The following IGSF10 variants were observed in gnomAD, a reference collection of about 807,000 sequenced individuals.
IGSF10 encodes immunoglobulin superfamily member 10, also known as calvaria mechanical force protein 608.
IGSF10 carries 126 observed loss-of-function variants against 128.2 expected under a neutral mutation model. The ratio of observed to expected loss-of-function variants is 0.98; its 90% CI spans 0.85 to 1.14. IGSF10 has a LOEUF of 1.14. IGSF10 is among the 50% of genes most tolerant of loss of function. The pLI is 0.00. For synonymous variants in IGSF10, 1,185 were observed against 1,146.2 expected, an observed-to-expected ratio of 1.03 and a Z score of -0.68; for missense variants, 3,295 against 3,149.8, an observed-to-expected ratio of 1.05 and a Z score of -1.10.
At chr3:151,601,657 C>T in the IGSF10 span, among the ~76,000 whole-genome samples, 1 of 152,146 alleles carries the variant, frequency 6.6e-6, no homozygotes, top group East Asian at 1.9e-4. Context: ...TAAAGTTCCT[C>T]AGAGGTGTGA....
Position 151,445,961 on chromosome 3 carries a change from T to C in IGSF10, c.4020A>G (p.Arg1340=). The change falls in exon 6 of 8, where the codon AGA becomes AGG. Residue 1340 remains arginine (R), a synonymous_variant. Transcript: ENST00000282466. ...CCTGTTCTCTTTGTATTGTTTGTGC[T>C]CTAGATCTCTCTGTTTGGGTTTCAT... ...ITYETQTERS[R]AQTIQREQEP... is the part of the protein sequence containing the mutation. 6.2e-7 allele frequency: 1 copy of C among 1,614,204 alleles called. No individual in the cohort carries two copies. Among genetic ancestry groups the C allele is most frequent in the Non-Finnish European group, 8.5e-7 (1 of 1,180,034 alleles).
intron 7 of IGSF10, among the ~76,000 whole-genome samples, chr3:151,441,862 C>T (rs1383111188): frequency 6.6e-6 from 1 of 152,116 alleles, no homozygotes; most frequent in African/African-American, 2.4e-5. Context: ...GAGATCAAGA[C>T]CATCCTGGCT....
chr3:151,443,237 T>C lies in IGSF10; in HGVS notation c.5710A>G (p.Ile1904Val). Reference sequence around the variant, plus strand: ...CTGTCTGAAGAGGCTAGGTTTCTTATATACAAAGTCCCATTTGAAAATAAG... The same window carrying C: ...CTGTCTGAAGAGGCTAGGTTTCTTACATACAAAGTCCCATTTGAAAATAAG... ...LFLFSNGTLYIRNLASSDRGT... is the reference protein window; with the variant it reads ...LFLFSNGTLYVRNLASSDRGT... Residue 1904 changes from isoleucine (I) to valine (V), a missense_variant, in exon 7 of 8, where the codon ATA (isoleucine) becomes GTA (valine). Transcript: ENST00000282466. 2 of 1,612,582 alleles carry C rather than the reference T, an allele frequency of 1.2e-6. No homozygotes were observed. Among genetic ancestry groups the C allele is most frequent in the Non-Finnish European group, 1.7e-6 (2 of 1,179,220 alleles).
the IGSF10 span, among the ~76,000 whole-genome samples, chr3:151,547,980 A>C: frequency 3.9e-5 from 6 of 152,210 alleles, no homozygotes; most frequent in Non-Finnish European, 8.8e-5. Flanking sequence ...AAATGGTTGC[A>C]AAATATCTTT....
chr3:151,608,254 T>A, the IGSF10 span, among the ~76,000 whole-genome samples: 25 of 152,314 alleles, frequency 1.6e-4, no homozygotes, highest in African/African-American at 5.3e-4. Flanking sequence ...AGAGAAAGCC[T>A]CTGTGTCTAA....
the IGSF10 span, among the ~76,000 whole-genome samples, chr3:151,553,067 T>G: frequency 6.6e-6 from 1 of 152,132 alleles, no homozygotes; most frequent in Non-Finnish European, 1.5e-5. Flanking sequence ...ACTGAAAATA[T>G]AATAAATGTA....
the IGSF10 span, among the ~76,000 whole-genome samples, chr3:151,580,530 C>T: frequency 6.6e-6 from 1 of 152,116 alleles, no homozygotes; most frequent in African/African-American, 2.4e-5. Context: ...TTTGTTGAAG[C>T]ATTTTAATAT....
At chr3:151,475,548 T>C in the IGSF10 span, among the ~76,000 whole-genome samples, 10 of 152,330 alleles carry the variant, frequency 6.6e-5, no homozygotes, top group South Asian at 2.1e-3. Context: ...CAACCACTCA[T>C]ACACTGCTGA....
the IGSF10 span, among the ~76,000 whole-genome samples, chr3:151,478,209 C>T: frequency 6.6e-6 from 1 of 152,182 alleles, no homozygotes; most frequent in South Asian, 2.1e-4. Flanking sequence ...GGAACACAGT[C>T]AGAAGGTGAG....
At chr3:151,461,215 T>C (rs1205867804), upstream of IGSF10, 1 of 985,252 alleles carries the variant, frequency 1.0e-6, no homozygotes, top group Non-Finnish European at 1.2e-6. Context: ...CTCTTTAAAT[T>C]CCCAGGGCTT....
At chr3:151,505,763 C>T in the IGSF10 span, among the ~76,000 whole-genome samples, 10 of 152,094 alleles carry the variant, frequency 6.6e-5, no homozygotes, top group East Asian at 1.9e-4. Context: ...ATAAATTTTC[C>T]GCATATACAT....
chr3:151,463,079 T>C (rs753918676), upstream of IGSF10, among the ~76,000 whole-genome samples: 10 of 152,334 alleles, frequency 6.6e-5, no homozygotes, highest in Non-Finnish European at 8.8e-5. Flanking sequence ...CCTAGGCTTG[T>C]TACCTGGGGT....
At chr3:151,482,191 C>T in the IGSF10 span, among the ~76,000 whole-genome samples, 1 of 152,062 alleles carries the variant, frequency 6.6e-6, no homozygotes, top group Non-Finnish European at 1.5e-5. Flanking sequence ...GTAACTAACC[C>T]TAAAGAAATG....
chr3:151,585,709 C>T, the IGSF10 span, among the ~76,000 whole-genome samples: 213 of 152,140 alleles, frequency 1.4e-3, 1 homozygote, highest in Middle Eastern at 0.044. Flanking sequence ...AATAGCTTCA[C>T]TTATTTTTTT....
the IGSF10 span, among the ~76,000 whole-genome samples, chr3:151,477,653 C>A: frequency 1.3e-5 from 2 of 152,218 alleles, no homozygotes; most frequent in African/African-American, 4.8e-5. Flanking sequence ...CACCGACCAT[C>A]ATAGAGAAGT....
At chr3:151,512,060 C>G in the IGSF10 span, among the ~76,000 whole-genome samples, 3 of 152,146 alleles carry the variant, frequency 2.0e-5, no homozygotes, top group Admixed American at 6.6e-5. Flanking sequence ...ATCAACTAGA[C>G]AGAAAGTTAA....
chr3:151,537,481 A>G, the IGSF10 span, among the ~76,000 whole-genome samples: 2 of 152,198 alleles, frequency 1.3e-5, no homozygotes, highest in African/African-American at 2.4e-5. Context: ...ACATCATTAA[A>G]TCATTCAAAG....
At chr3:151,524,672 T>C in the IGSF10 span, among the ~76,000 whole-genome samples, 1 of 152,134 alleles carries the variant, frequency 6.6e-6, no homozygotes, top group Non-Finnish European at 1.5e-5. Context: ...AAGATAACTA[T>C]TGGGTACTGG....
At chr3:151,491,460 C>A in the IGSF10 span, among the ~76,000 whole-genome samples, 2 of 152,036 alleles carry the variant, frequency 1.3e-5, no homozygotes, top group African/African-American at 4.8e-5. Context: ...TGCCTGTAAT[C>A]CCGGGTACTT....
Sources: allele counts gnomAD v4.1 joint callset (sites outside exome capture counted in the v4.1 genomes callset), GRCh38; gene constraint gnomAD v4.1.1; transcripts MANE v1.5; gene names NCBI Gene and HGNC (gene_info 2026-07-23, HGNC 2026-07-21).